The following TRDN variants were observed in gnomAD, a reference collection of about 807,000 sequenced individuals.
TRDN encodes the protein triadin in skeletal muscle.
A neutral mutation model predicts 149.7 loss-of-function variants in TRDN; 161 were observed. That is an observed-to-expected ratio of 1.08 (90% CI 0.95 to 1.23). TRDN has a LOEUF of 1.23. Among genes scored for constraint, TRDN ranks in the 50% most tolerant of loss-of-function variants. TRDN has a pLI of 0.00. For missense variants in TRDN, 896 were observed against 823.5 expected (o/e 1.09, Z -1.08); for synonymous variants, 294 against 250.5 (o/e 1.17, Z -1.64).
intron 39 of TRDN, among the ~76,000 whole-genome samples, chr6:123,223,692 C>CCTTCCTTA (rs1562217519): frequency 2.1e-5 from 3 of 140,518 alleles, no homozygotes; most frequent in African/African-American, 8.7e-5. Flanking sequence ...TTCCTTCCTT[C>CCTTCCTTA]CTTCCTTCCT....
intron 2 of TRDN, among the ~76,000 whole-genome samples, chr6:123,559,717 G>A (rs868824175): frequency 5.5e-4 from 84 of 152,100 alleles, no homozygotes; most frequent in African/African-American, 1.4e-3. Flanking sequence ...CAATTCCCCC[G>A]TTTTACCTGT....
chr6:123,226,648 C>T (rs1775382215), intron 38 of TRDN, among the ~76,000 whole-genome samples: 1 of 151,808 alleles, frequency 6.6e-6, no homozygotes, highest in African/African-American at 2.4e-5. Flanking sequence ...TATAGAGATG[C>T]ATTTTCTGTG....
chr6:123,558,973 G>A (rs1781827598), intron 2 of TRDN, among the ~76,000 whole-genome samples: 1 of 152,254 alleles, frequency 6.6e-6, no homozygotes. Flanking sequence ...TTCCTCCTAA[G>A]CAGTGTGCCA....
intron 24 of TRDN, among the ~76,000 whole-genome samples, chr6:123,284,644 A>G (rs1365662300): frequency 6.6e-6 from 1 of 152,100 alleles, no homozygotes; most frequent in Non-Finnish European, 1.5e-5. Context: ...TGTTCAACAT[A>G]GTACTGGAAA....
intron 12 of TRDN, among the ~76,000 whole-genome samples, chr6:123,407,753 A>T (rs1382014490): frequency 6.6e-6 from 1 of 152,174 alleles, no homozygotes; most frequent in East Asian, 1.9e-4. Context: ...AAGCATGGCA[A>T]TATTTTTTTT....
At chr6:123,620,067 A>G (rs978336244) in intron 1 of TRDN, among the ~76,000 whole-genome samples, 1 of 152,190 alleles carries the variant, frequency 6.6e-6, no homozygotes, top group Non-Finnish European at 1.5e-5. Flanking sequence ...GCATGATCAC[A>G]AATTTATCAT....
In TRDN at chr6:123,381,225, T is replaced by C. The variant is rs554852496; in HGVS notation, c.1186+145A>G. 8.2e-6 allele frequency: 6 copies of C among 728,764 alleles called. No homozygotes were observed. In the African/African-American group the frequency reaches 1.1e-4, roughly 13 times the overall value. The allele number at this position is 728,764 out of a possible 1,614,324, so 45.1% of individuals were successfully genotyped here. Reference sequence around the variant, plus strand: ...CCACTCTAACCCCCAGACTGTGTATTTTTTCACTTGGACAAAAAACAACAG... The same window carrying C: ...CCACTCTAACCCCCAGACTGTGTATCTTTTCACTTGGACAAAAAACAACAG... On this transcript the variant is annotated intron_variant, in intron 16 of 40. Coordinates refer to ENST00000334268, the MANE Select transcript of TRDN (RefSeq NM_006073.4).
intron 10 of TRDN, among the ~76,000 whole-genome samples, chr6:123,446,916 T>A (rs35273489): frequency 0.15 from 22,848 of 152,114 alleles, 2,435 homozygotes; most frequent in African/African-American, 0.3. Context: ...TTCTTCTATT[T>A]TTTTTTTCCA....
chr6:123,432,606 A>C (rs1475403134), intron 12 of TRDN, among the ~76,000 whole-genome samples: 2 of 152,052 alleles, frequency 1.3e-5, no homozygotes, highest in African/African-American at 4.8e-5. Flanking sequence ...AAAACACAAA[A>C]GACTTTACTC....
chr6:123,265,354 G>GAA lies in TRDN; in HGVS notation c.1784-18_1784-17dup. On this transcript the variant is annotated splice_polypyrimidine_tract_variant and intron_variant, in intron 32 of 40. Coordinates refer to ENST00000334268, the MANE Select transcript of TRDN (RefSeq NM_006073.4). ...TTTGGTTTGTCTAAAAAGGAAAAAA[G>GAA]AAAAAAAAAGAAAATGAGTGATAAT... 3 of 1,356,230 alleles carry GAA rather than the reference G, an allele frequency of 2.2e-6. No individual in the cohort carries two copies. Among genetic ancestry groups the GAA allele is most frequent in the African/African-American group, 1.5e-5 (1 of 65,322 alleles). 84.0% of individuals were successfully genotyped at this position (1,356,230 alleles called of 1,614,324 possible). A position where few individuals can be genotyped will look rare whatever the true frequency, so the allele number is the denominator to read the frequency against.
chr6:123,582,668 C>G (rs530691342), intron 1 of TRDN, among the ~76,000 whole-genome samples: 4 of 152,082 alleles, frequency 2.6e-5, no homozygotes, highest in East Asian at 1.9e-4. Context: ...GGCAGGAACC[C>G]GCGATCTGGA....
intron 1 of TRDN, among the ~76,000 whole-genome samples, chr6:123,588,052 C>T (rs561996695): frequency 3.3e-5 from 5 of 152,206 alleles, no homozygotes; most frequent in African/African-American, 1.2e-4. Flanking sequence ...CTTCAGGTAG[C>T]AGGCTTCAGA....
intron 6 of TRDN, 43 bp from the exon 7 acceptor site, chr6:123,512,405 T>C: frequency 8.4e-7 from 1 of 1,197,196 alleles, no homozygotes. Context: ...TTTAATAGAT[T>C]TCAAAACCAA....
At chr6:123,416,097 A>T (rs1016070033) in intron 12 of TRDN, among the ~76,000 whole-genome samples, 2 of 152,194 alleles carry the variant, frequency 1.3e-5, no homozygotes, top group Non-Finnish European at 1.5e-5. Flanking sequence ...AAATTCAGTG[A>T]CAGCAGTGTC....
chr6:123,290,293 A>T (rs112730263), intron 24 of TRDN, among the ~76,000 whole-genome samples: 3,319 of 152,098 alleles, frequency 0.022, 48 homozygotes, highest in Non-Finnish European at 0.033. Context: ...GTTGTCTTGT[A>T]TAGGTCATTT....
chr6:123,306,041 A>G (rs1387456239), intron 24 of TRDN, among the ~76,000 whole-genome samples: 1 of 152,138 alleles, frequency 6.6e-6, no homozygotes, highest in Non-Finnish European at 1.5e-5. Context: ...TGGATTTATT[A>G]TATGTTTACT....
chr6:123,478,914 C>T (rs1232928720), intron 9 of TRDN, among the ~76,000 whole-genome samples: 1 of 152,120 alleles, frequency 6.6e-6, no homozygotes, highest in Non-Finnish European at 1.5e-5. Flanking sequence ...GTTCTCAATA[C>T]ATTTGTTTAT....
intron 14 of TRDN, among the ~76,000 whole-genome samples, chr6:123,383,477 C>T (rs1056665774): frequency 2.0e-5 from 3 of 151,830 alleles, no homozygotes; most frequent in Non-Finnish European, 4.4e-5. Flanking sequence ...TAGGGAAATG[C>T]TTTTCTCAGG....
chr6:123,621,472 A>G (rs1382665602), intron 1 of TRDN, among the ~76,000 whole-genome samples: 6 of 152,150 alleles, frequency 3.9e-5, no homozygotes, highest in Non-Finnish European at 8.8e-5. Flanking sequence ...AGAATAATAG[A>G]TATTAAAACT....
Sources: allele counts gnomAD v4.1 joint callset (sites outside exome capture counted in the v4.1 genomes callset), GRCh38; gene constraint gnomAD v4.1.1; transcripts MANE v1.5; gene names NCBI Gene and HGNC (gene_info 2026-07-23, HGNC 2026-07-21).